The following GADL1 variants were observed in gnomAD, a reference collection of about 807,000 sequenced individuals.
The protein encoded by GADL1 is acidic amino acid decarboxylase GADL1.
A neutral mutation model predicts 69.5 loss-of-function variants in GADL1; 71 were observed. The ratio of observed to expected loss-of-function variants is 1.02; its 90% CI spans 0.84 to 1.25. The LOEUF (loss-of-function observed/expected upper bound fraction) is 1.25, where lower values mean the gene tolerates loss of function less well. Ranked by LOEUF, GADL1 falls within the 50% of genes most tolerant of loss-of-function variation. The pLI is 0.00. For missense variants in GADL1, 737 were observed against 631.8 expected (o/e 1.17, Z -1.79); for synonymous variants, 254 against 214.4 (o/e 1.18, Z -1.62).
intron 11 of GADL1, among the ~76,000 whole-genome samples, chr3:30,817,134 C>T (rs943331707): frequency 1.3e-5 from 2 of 152,060 alleles, no homozygotes; most frequent in East Asian, 3.9e-4. Context: ...TCTATAGTCT[C>T]GTGTAGCCTG....
chr3:30,778,261 T>C lies in GADL1; in HGVS notation c.1310A>G (p.Tyr437Cys). 6.2e-7 allele frequency: 1 copy of C among 1,601,294 alleles called. No individual in the cohort carries two copies. Among genetic ancestry groups the C allele is most frequent in the Non-Finnish European group, 8.6e-7 (1 of 1,169,212 alleles). The part of the protein sequence containing the change: ...EGFKLLMEPE[Y>C]ANICFWYIPP... ...AATGTACCAAAAGCAAATATTGGCA[T>C]ATTCAGGCTGAGAATTAGAAAAAAT... The change falls in exon 14 of 15, where the codon TAT becomes TGT. Residue 437 changes from tyrosine (Y) to cysteine (C), a missense_variant. Coordinates refer to ENST00000282538, the MANE Select transcript of GADL1 (RefSeq NM_207359.3).
intron 8 of GADL1, among the ~76,000 whole-genome samples, chr3:30,839,869 G>C (rs905355999): frequency 6.6e-6 from 1 of 152,042 alleles, no homozygotes; most frequent in Admixed American, 6.6e-5. Flanking sequence ...TGGTTATCTC[G>C]GTCAAGCTAG....
At chr3:30,780,419 G>A (rs775658913) in intron 13 of GADL1, among the ~76,000 whole-genome samples, 1 of 152,122 alleles carries the variant, frequency 6.6e-6, no homozygotes, top group Non-Finnish European at 1.5e-5. Flanking sequence ...TGCCAGGTGT[G>A]GTGGCTGCTC....
intron 14 of GADL1, among the ~76,000 whole-genome samples, chr3:30,767,398 TG>T (rs1696306792): frequency 9.2e-6 from 1 of 109,214 alleles, no homozygotes; most frequent in Non-Finnish European, 2.1e-5. Context: ...TTAAATCCTT[TG>T]GTTCTTGGCA....
rs377421128 is a variant in GADL1, at chr3:30,814,015, C to G, written c.1051-12927G>C. Among the ~76,000 whole-genome samples, 22 of 152,336 alleles carry G rather than the reference C, an allele frequency of 1.4e-4. 1 individual carries two copies. The South Asian group carries it at 4.6e-3, about 32-fold the overall frequency. ...CATTAGCATGTGGGTTACTCCTCAACATAGACATAACAAGGAAAAAGGAAA... is the reference window on the plus strand; with the variant it reads ...CATTAGCATGTGGGTTACTCCTCAAGATAGACATAACAAGGAAAAAGGAAA... On this transcript the variant is annotated intron_variant, in intron 11 of 14. Coordinates refer to ENST00000282538, the MANE Select transcript of GADL1 (RefSeq NM_207359.3).
At chr3:30,882,576 T>C (rs1698657618) in intron 1 of GADL1, among the ~76,000 whole-genome samples, 1 of 152,016 alleles carries the variant, frequency 6.6e-6, no homozygotes, top group Non-Finnish European at 1.5e-5. Flanking sequence ...CAATGATGGA[T>C]ACTTGGGTAG....
intron 11 of GADL1, among the ~76,000 whole-genome samples, chr3:30,826,300 AT>A (rs1227081769): frequency 2.0e-5 from 3 of 151,792 alleles, no homozygotes; most frequent in Non-Finnish European, 4.4e-5. Context: ...AGAATTTCAT[AT>A]TTTTCTTTCT....
At chr3:30,795,143 C>T (rs1697006859) in intron 12 of GADL1, among the ~76,000 whole-genome samples, 1 of 152,148 alleles carries the variant, frequency 6.6e-6, no homozygotes, top group Non-Finnish European at 1.5e-5. Flanking sequence ...AACAATGTTT[C>T]TGTAACTTAG....
chr3:30,861,707 C>T lies in GADL1; in HGVS notation c.96G>A (p.Gly32=), dbSNP rs1037308435. 1.0e-5 allele frequency: 16 copies of T among 1,549,792 alleles called. No individual in the cohort carries two copies. The highest frequency in any genetic ancestry group is 5.9e-5 in the Admixed American group (3 of 50,886). The change falls in exon 2 of 15, where the codon GGG becomes GGA. Residue 32 remains glycine, a synonymous_variant. Transcript: ENST00000282538. ...PSKKNAVLVD[G]VVLNGPTTDA... ...CTGTTGTAGGACCATTCAGCACAACCCCATCCACAAGAACAGCATTCTTCT... is the reference window on the plus strand; with the variant it reads ...CTGTTGTAGGACCATTCAGCACAACTCCATCCACAAGAACAGCATTCTTCT...
At chr3:30,828,281 T>G (rs1345836925) in intron 11 of GADL1, among the ~76,000 whole-genome samples, 1 of 151,776 alleles carries the variant, frequency 6.6e-6, no homozygotes, top group Non-Finnish European at 1.5e-5. Context: ...GAAACGAAAA[T>G]GGGGCTAAGT....
intron 14 of GADL1, among the ~76,000 whole-genome samples, chr3:30,776,244 T>C (rs2125495020): frequency 6.6e-6 from 1 of 152,350 alleles, no homozygotes; most frequent in South Asian, 2.1e-4. Flanking sequence ...TTCATTGTTT[T>C]TCGTAAACAA....
At chr3:30,733,637 C>CTTCCT (rs754207358) in intron 14 of GADL1, among the ~76,000 whole-genome samples, 3 of 143,254 alleles carry the variant, frequency 2.1e-5, no homozygotes, top group Admixed American at 7.1e-5. Flanking sequence ...TCCTTCCTTC[C>CTTCCT]TCCTTCCCTC....
At chr3:30,844,763 C>A (rs755753987) in intron 6 of GADL1, among the ~76,000 whole-genome samples, 1 of 152,088 alleles carries the variant, frequency 6.6e-6, no homozygotes, top group South Asian at 2.1e-4. Flanking sequence ...GCCAATAATG[C>A]CTACTCCATC....
intron 1 of GADL1, among the ~76,000 whole-genome samples, chr3:30,891,914 C>T: frequency 6.6e-6 from 1 of 151,774 alleles, no homozygotes; most frequent in Non-Finnish European, 1.5e-5. Context: ...AATTTTATTA[C>T]AACATGCCAG....
chr3:30,804,044 TCTC>T (rs1163250490), intron 11 of GADL1, among the ~76,000 whole-genome samples: 5 of 152,162 alleles, frequency 3.3e-5, no homozygotes, highest in Non-Finnish European at 7.3e-5. Flanking sequence ...TTAATTCAAC[TCTC>T]CTCAGCGGAT....
At chr3:30,820,974 A>G (rs1378033096) in intron 11 of GADL1, among the ~76,000 whole-genome samples, 1 of 152,102 alleles carries the variant, frequency 6.6e-6, no homozygotes, top group African/African-American at 2.4e-5. Context: ...CATATACACC[A>G]TGGAATACTA....
At chr3:30,785,828 TTA>T (rs954060310) in intron 13 of GADL1, among the ~76,000 whole-genome samples, 3 of 150,582 alleles carry the variant, frequency 2.0e-5, no homozygotes, top group South Asian at 4.1e-4. Context: ...CATTAAATAT[TTA>T]TATTTTCTAA....
intron 1 of GADL1, among the ~76,000 whole-genome samples, chr3:30,867,671 A>C (rs1338682970): frequency 6.6e-6 from 1 of 151,856 alleles, no homozygotes; most frequent in Non-Finnish European, 1.5e-5. Context: ...TGAGTACTAA[A>C]TATTTGCTGA....
At chr3:30,781,728 T>C (rs1696669348) in intron 13 of GADL1, among the ~76,000 whole-genome samples, 1 of 152,220 alleles carries the variant, frequency 6.6e-6, no homozygotes, top group Admixed American at 6.5e-5. Flanking sequence ...ATGTAGATGA[T>C]GTCTGCCCCA....
Sources: allele counts gnomAD v4.1 joint callset (sites outside exome capture counted in the v4.1 genomes callset), GRCh38; gene constraint gnomAD v4.1.1; transcripts MANE v1.5; gene names NCBI Gene and HGNC (gene_info 2026-07-23, HGNC 2026-07-21).